Variants in SEPHS1 observed in about 807,000 individuals in gnomAD.
The protein encoded by SEPHS1 is selenophosphate synthetase 1.
In SEPHS1, 7 loss-of-function variants were observed where a neutral mutation model predicts 39.2. The observed-to-expected ratio is 0.18, with a 90% CI of 0.10 to 0.34. The LOEUF (loss-of-function observed/expected upper bound fraction) is 0.34. Ranked by LOEUF, SEPHS1 falls within the 10% of genes least tolerant of loss-of-function variation. SEPHS1 has a pLI of 1.00. For synonymous variants in SEPHS1, 190 were observed against 195.5 expected (o/e 0.97, Z 0.23); for missense variants, 253 against 514.5 (o/e 0.49, Z 4.92).
At chr10:13,345,550 T>A (rs1556717) in intron 1 of SEPHS1, 117,842 of 152,264 alleles carry the variant, frequency 0.77, 45,718 homozygotes, top group Admixed American at 0.8. Context: ...GCTAAATCCT[T>A]ATTTTAGAAA....
At chr10:13,332,829 T>G (rs141585883) in intron 5 of SEPHS1, among the ~76,000 whole-genome samples, 2 of 146,616 alleles carry the variant, frequency 1.4e-5, no homozygotes, top group African/African-American at 5.2e-5. Context: ...GGCGACGGAG[T>G]AAGACTCCGT....
chr10:13,326,794 A>G (rs1416192726), intron 7 of SEPHS1, among the ~76,000 whole-genome samples: 1 of 152,156 alleles, frequency 6.6e-6, no homozygotes, highest in African/African-American at 2.4e-5. Flanking sequence ...TCAACCTCCC[A>G]AAGTGCTGGA....
At position 13,338,956 on chromosome 10, in the gene SEPHS1, C is replaced by A; in HGVS notation, c.194-148G>T. On this transcript the variant is annotated intron_variant, in intron 2 of 8. Coordinates refer to ENST00000327347, the MANE Select transcript of SEPHS1 (RefSeq NM_012247.5). ...AAGCCATGTGTTTCCTATCAAGAAGCGTAACTGAAATAAACGTGAAACATA... is the reference window on the plus strand; with the variant it reads ...AAGCCATGTGTTTCCTATCAAGAAGAGTAACTGAAATAAACGTGAAACATA... 4.6e-6 allele frequency: 3 copies of A among 649,028 alleles called. No individual in the cohort carries two copies. The South Asian group carries it at 5.3e-5, about 11-fold the overall frequency. The allele number at this position is 649,028 out of a possible 1,614,324, so 40.2% of individuals were successfully genotyped here.
intron 4 of SEPHS1, 113 bp downstream of exon 4, chr10:13,336,130 G>A: frequency 1.5e-6 from 1 of 648,186 alleles, no homozygotes; most frequent in South Asian, 1.9e-5. Flanking sequence ...GGAGTGCAGG[G>A]AGCCATATGG....
chr10:13,344,771 A>T lies in SEPHS1; in HGVS notation c.180T>A (p.Val60=), dbSNP rs1434697701. 4 of 1,533,376 alleles carry T rather than the reference A, an allele frequency of 2.6e-6. No individual in the cohort carries two copies. The highest frequency in any genetic ancestry group is 3.5e-6 in the Non-Finnish European group (4 of 1,132,704). The allele number at this position is 1,533,376 out of a possible 1,614,324, so 95.0% of individuals were successfully genotyped here. Residue 60 remains valine (V), a synonymous_variant, in exon 2 of 9, where the codon GTT becomes GTA. Coordinates refer to ENST00000327347, the MANE Select transcript of SEPHS1 (RefSeq NM_012247.5). ...FQEDEQFLGA[V]MPRLGIGMDT... The stretch of plus-strand genomic sequence containing the variant: ...TGGGTTACCTACCAAGCCTTGGCAT[A>T]ACGGCTCCCAGAAACTGCTCATCTT...
chr10:13,320,301 C>G (rs953549851), intron 8 of SEPHS1, among the ~76,000 whole-genome samples: 1 of 151,884 alleles, frequency 6.6e-6, no homozygotes, highest in Non-Finnish European at 1.5e-5. Flanking sequence ...CCTGCCTCAG[C>G]CTCCTGAGTA....
intron 2 of SEPHS1, 121 bp from the exon 3 acceptor site, chr10:13,338,929 T>G: frequency 5.5e-6 from 4 of 731,544 alleles, no homozygotes; most frequent in Non-Finnish European, 9.9e-6. Flanking sequence ...AGGCTGCCAA[T>G]GAAGCCATGT....
At chr10:13,327,869 A>C (rs1013022824) in intron 7 of SEPHS1, among the ~76,000 whole-genome samples, 1 of 152,234 alleles carries the variant, frequency 6.6e-6, no homozygotes, top group African/African-American at 2.4e-5. Context: ...AAAAATGCAA[A>C]ACTAATTTGC....
At chr10:13,341,802 C>T (rs1306536032) in intron 2 of SEPHS1, among the ~76,000 whole-genome samples, 2 of 150,738 alleles carry the variant, frequency 1.3e-5, no homozygotes, top group African/African-American at 4.9e-5. Flanking sequence ...ATTAAAAATA[C>T]AAAAAAATTA....
At chr10:13,322,602 T>C (rs747740318) in intron 8 of SEPHS1, among the ~76,000 whole-genome samples, 112 of 152,310 alleles carry the variant, frequency 7.4e-4, no homozygotes, top group Admixed American at 3.3e-3. Flanking sequence ...ACCATATCCT[T>C]GCATCAAAAA....
intron 1 of SEPHS1, among the ~76,000 whole-genome samples, chr10:13,347,582 G>A (rs1833963709): frequency 6.8e-6 from 1 of 147,212 alleles, no homozygotes; most frequent in African/African-American, 2.4e-5. Flanking sequence ...GGGTCGACAG[G>A]GCCCGCGCGG....
chr10:13,333,380 G>A (rs1229058306), intron 5 of SEPHS1, among the ~76,000 whole-genome samples: 4 of 151,500 alleles, frequency 2.6e-5, no homozygotes, highest in South Asian at 2.1e-4. Context: ...TGATCCACCC[G>A]CCTTGGCCTC....
rs1250820374 is a variant in SEPHS1 at position 13,317,957 on chromosome 10, T to C, written c.*1185A>G. The C allele has an allele frequency of 2.6e-5, 4 of 152,224 alleles. No individual in the cohort carries two copies. Among genetic ancestry groups the C allele is most frequent in the African/African-American group, 9.6e-5 (4 of 41,460 alleles). 9.4% of individuals were successfully genotyped at this position (152,224 alleles called of 1,614,324 possible). The stretch of plus-strand genomic sequence containing the variant: ...TTAATTCAAGAAAATATAGGTCCCA[T>C]GAAAGACTTAAAAGTTTTATAAAAC... On this transcript the variant is annotated 3_prime_UTR_variant, in exon 9 of 9. Coordinates refer to ENST00000327347, the MANE Select transcript of SEPHS1 (RefSeq NM_012247.5).
intron 7 of SEPHS1, among the ~76,000 whole-genome samples, chr10:13,325,556 G>GT (rs1009227086): frequency 2.5e-4 from 38 of 152,258 alleles, no homozygotes; most frequent in African/African-American, 8.2e-4. Context: ...TGCCACGACT[G>GT]TAAGTTTCCT....
intron 8 of SEPHS1, chr10:13,322,143 CTTTTTTTT>C (rs56709546): frequency 1.6e-5 from 5 of 316,774 alleles, no homozygotes; most frequent in Non-Finnish European, 3.0e-5. Context: ...ATTCTCTTTT[CTTTTTTTT>C]TTTTTTTTAA....
chr10:13,320,421 T>C lies in SEPHS1; in HGVS notation c.965-1065A>G, dbSNP rs991762938. Among the ~76,000 whole-genome samples, 3 of 151,914 alleles carry C rather than the reference T, an allele frequency of 2.0e-5. No individual in the cohort carries two copies. The East Asian group carries it at 5.9e-4, about 30-fold the overall frequency. On this transcript the variant is annotated intron_variant, in intron 8 of 8. Transcript: ENST00000327347. ...TGGTCTCGATCTCCTGACCTCGTGA[T>C]CCACCCGCCTTGGCCTCCCAAAGTG...
At chr10:13,334,235 C>A (rs376991477) in intron 4 of SEPHS1, among the ~76,000 whole-genome samples, 2 of 152,152 alleles carry the variant, frequency 1.3e-5, no homozygotes, top group East Asian at 3.9e-4. Flanking sequence ...CCTTTCTCTA[C>A]GAAACATGTA....
chr10:13,322,824 G>T lies in SEPHS1; in HGVS notation c.964+11C>A, dbSNP rs773102827. The T allele has an allele frequency of 6.2e-7, 1 of 1,611,492 alleles. No homozygotes were observed. Among genetic ancestry groups the T allele is most frequent in the Non-Finnish European group, 8.5e-7 (1 of 1,179,238 alleles). Reference sequence around the variant, plus strand: ...ACTATTTAGTCCTCAGATGCGCCCAGCATCCTGTACCTGAAGTCTCCGGGC... The same window carrying T: ...ACTATTTAGTCCTCAGATGCGCCCATCATCCTGTACCTGAAGTCTCCGGGC... On this transcript the variant is annotated intron_variant, in intron 8 of 8. Coordinates refer to ENST00000327347, the MANE Select transcript of SEPHS1 (RefSeq NM_012247.5).
intron 1 of SEPHS1, among the ~76,000 whole-genome samples, chr10:13,346,424 T>C (rs1833923300): frequency 6.6e-6 from 1 of 152,116 alleles, no homozygotes; most frequent in African/African-American, 2.4e-5. Flanking sequence ...AAGCCCGAGT[T>C]TGGGCAGTAA....
Sources: allele counts gnomAD v4.1 joint callset (sites outside exome capture counted in the v4.1 genomes callset), GRCh38; gene constraint gnomAD v4.1.1; transcripts MANE v1.5; gene names NCBI Gene and HGNC (gene_info 2026-07-23, HGNC 2026-07-21).